The following ANO6 variants were observed in gnomAD, a reference collection of about 807,000 sequenced individuals.
ANO6 encodes anoctamin 6.
ANO6 carries 106 observed loss-of-function variants against 117.5 expected under a neutral mutation model. The ratio of observed to expected loss-of-function variants is 0.90; its 90% CI spans 0.77 to 1.06. ANO6 has a LOEUF of 1.06. Among genes scored for constraint, ANO6 ranks in the 50% least tolerant of loss-of-function variants. The pLI, the probability that ANO6 is intolerant of heterozygous loss-of-function variation, is 0.00. For synonymous variants in ANO6, 367 were observed against 385.1 expected (o/e 0.95, Z 0.55); for missense variants, 955 against 1,121.1 (o/e 0.85, Z 2.12).
intron 2 of ANO6, among the ~76,000 whole-genome samples, chr12:45,329,459 C>T (rs1359029092): frequency 1.3e-5 from 2 of 152,132 alleles, no homozygotes; most frequent in East Asian, 3.9e-4. Flanking sequence ...CATGGTCTTG[C>T]ATCACACATG....
At chr12:45,246,552 G>T (rs1947828126) in intron 1 of ANO6, among the ~76,000 whole-genome samples, 1 of 152,194 alleles carries the variant, frequency 6.6e-6, no homozygotes, top group African/African-American at 2.4e-5. Flanking sequence ...TAGATGTAGA[G>T]AGAATTCTGT....
chr12:45,324,426 C>T (rs1487182707), intron 2 of ANO6, among the ~76,000 whole-genome samples: 1 of 152,170 alleles, frequency 6.6e-6, no homozygotes, highest in African/African-American at 2.4e-5. Flanking sequence ...TTGCTGGGCA[C>T]TAGGTACTCT....
chr12:45,379,039 C>A (rs1274196935), intron 10 of ANO6, among the ~76,000 whole-genome samples: 1 of 152,098 alleles, frequency 6.6e-6, no homozygotes, highest in East Asian at 1.9e-4. Flanking sequence ...TTTAATTGAT[C>A]TGAATGTTCT....
chr12:45,287,485 G>A (rs977245312), intron 1 of ANO6, among the ~76,000 whole-genome samples: 4 of 152,196 alleles, frequency 2.6e-5, no homozygotes, highest in East Asian at 1.9e-4. Flanking sequence ...CTATAGAATA[G>A]GCACTGGAAT....
rs541992215 is a variant in ANO6, at chr12:45,289,431, G to T, written c.71-12583G>T. Among the ~76,000 whole-genome samples, 3 of 152,178 alleles carry T rather than the reference G, an allele frequency of 2.0e-5. No individual in the cohort carries two copies. The East Asian group carries it at 5.8e-4, about 29-fold the overall frequency. ...CCGCCTTGGCCTCCCAAAGTACTGGGATTACAGGTGTGAGCCACTGTGCCC... is the reference window on the plus strand; with the variant it reads ...CCGCCTTGGCCTCCCAAAGTACTGGTATTACAGGTGTGAGCCACTGTGCCC... On this transcript the variant is annotated intron_variant, in intron 1 of 19. Transcript: ENST00000320560.
At chr12:45,262,532 C>A (rs1938074305) in intron 1 of ANO6, among the ~76,000 whole-genome samples, 1 of 152,000 alleles carries the variant, frequency 6.6e-6, no homozygotes, top group African/African-American at 2.4e-5. Flanking sequence ...TCAAGCAATT[C>A]TCTTGCCTCA....
intron 12 of ANO6, 130 bp from the exon 13 acceptor site, chr12:45,401,663 CCA>C: frequency 1.3e-6 from 1 of 776,962 alleles, no homozygotes; most frequent in Non-Finnish European, 2.2e-6. Context: ...AGACTTTCTA[CCA>C]CCGCTGGTAT....
At chr12:45,401,715 G>A in intron 12 of ANO6, 80 bp from the exon 13 acceptor site, 1 of 1,120,412 alleles carries the variant, frequency 8.9e-7, no homozygotes, top group Non-Finnish European at 1.4e-6. Context: ...CACACACCTT[G>A]TTAAGTGTGA....
chr12:45,267,305 T>C (rs1409445665), intron 1 of ANO6, among the ~76,000 whole-genome samples: 1 of 152,132 alleles, frequency 6.6e-6, no homozygotes, highest in Non-Finnish European at 1.5e-5. Context: ...TCTTTCTGTG[T>C]CCAAATTTCT....
chr12:45,382,207 A>G (rs1942186551), intron 10 of ANO6, among the ~76,000 whole-genome samples: 2 of 152,190 alleles, frequency 1.3e-5, no homozygotes, highest in South Asian at 4.1e-4. Flanking sequence ...CTGTGAAAAA[A>G]ATGAGAATGG....
At position 45,378,046 on chromosome 12, in the gene ANO6, T is replaced by G. The variant is rs778256963; in HGVS notation, c.1105-7T>G. The stretch of plus-strand genomic sequence containing the variant: ...TGACTCATTTATATGTCATTTATAT[T>G]TTCCAGAAATTGTGCATCTTCGACA... On this transcript the variant is annotated splice_region_variant and splice_polypyrimidine_tract_variant and intron_variant, in intron 9 of 19. Coordinates refer to ENST00000320560, the MANE Select transcript of ANO6 (RefSeq NM_001025356.3). 3.7e-6 allele frequency: 6 copies of G among 1,610,214 alleles called. No individual in the cohort carries two copies. The South Asian group carries it at 6.6e-5, about 18-fold the overall frequency.
intron 1 of ANO6, among the ~76,000 whole-genome samples, chr12:45,251,372 T>G (rs1239667797): frequency 2.0e-5 from 3 of 152,254 alleles, no homozygotes; most frequent in African/African-American, 7.2e-5. Flanking sequence ...CATTTTATTA[T>G]ATTTCATAGT....
At chr12:45,279,506 G>A (rs1336437145) in intron 1 of ANO6, among the ~76,000 whole-genome samples, 1 of 152,166 alleles carries the variant, frequency 6.6e-6, no homozygotes, top group Non-Finnish European at 1.5e-5. Context: ...TCACCGACAT[G>A]AGTTTTTAAT....
chr12:45,272,433 G>A (rs1265560939), intron 1 of ANO6, among the ~76,000 whole-genome samples: 1 of 152,108 alleles, frequency 6.6e-6, no homozygotes, highest in African/African-American at 2.4e-5. Flanking sequence ...ATTCTGACCA[G>A]ATTTTTACAT....
intron 1 of ANO6, among the ~76,000 whole-genome samples, chr12:45,240,848 T>C (rs1947731104): frequency 6.6e-6 from 1 of 152,164 alleles, no homozygotes; most frequent in Admixed American, 6.5e-5. Flanking sequence ...GGGTTGAAAA[T>C]TCTTTTCTTT....
chr12:45,331,529 A>G (rs1055660079), intron 3 of ANO6, 106 bp downstream of exon 3: 9 of 1,066,622 alleles, frequency 8.4e-6, no homozygotes, highest in Non-Finnish European at 1.1e-5. Flanking sequence ...GAAATATCAT[A>G]CACAAAACAG....
At chr12:45,296,895 C>T (rs1298844474) in intron 1 of ANO6, among the ~76,000 whole-genome samples, 1 of 152,182 alleles carries the variant, frequency 6.6e-6, no homozygotes, top group Non-Finnish European at 1.5e-5. Flanking sequence ...TACGTGACTT[C>T]ATATCATTGA....
chr12:45,307,143 C>T (rs1480144543), intron 2 of ANO6, among the ~76,000 whole-genome samples: 1 of 152,010 alleles, frequency 6.6e-6, no homozygotes, highest in Non-Finnish European at 1.5e-5. Flanking sequence ...GAGGGTGAGC[C>T]TTTGGAGGGT....
At chr12:45,359,253 A>G (rs1341943797) in intron 8 of ANO6, among the ~76,000 whole-genome samples, 1 of 152,138 alleles carries the variant, frequency 6.6e-6, no homozygotes, top group East Asian at 1.9e-4. Context: ...GACATTTCAT[A>G]AAAGTATTTA....
Sources: gnomAD v4.1 joint callset for allele counts (sites outside exome capture counted in the v4.1 genomes callset) on GRCh38, gnomAD v4.1.1 for gene constraint, MANE v1.5 for transcripts, NCBI Gene and HGNC (gene_info 2026-07-23, HGNC 2026-07-21) for gene names.